The following ZNF215 variants were observed in gnomAD, a reference collection of about 807,000 sequenced individuals.
ZNF215 encodes the protein zinc finger protein 215, also known as BWSCR2-associated zinc finger protein 2.
Under a neutral mutation model 27.2 loss-of-function variants are expected in ZNF215, and 24 were observed. The observed-to-expected ratio is 0.88, with a 90% confidence interval of 0.64 to 1.24. The LOEUF is 1.24. Among genes scored for constraint, ZNF215 ranks in the 50% most tolerant of loss-of-function variants. ZNF215 has a pLI of 0.00. For missense variants in ZNF215, 675 were observed against 605.7 expected, an observed-to-expected ratio of 1.11 and a Z score of -1.20; for synonymous variants, 210 against 204.0, an observed-to-expected ratio of 1.03 and a Z score of -0.25.
At chr11:6,975,918 C>A (rs1850825775) in intron 5 of ZNF215, among the ~76,000 whole-genome samples, 1 of 152,016 alleles carries the variant, frequency 6.6e-6, no homozygotes, top group South Asian at 2.1e-4. Flanking sequence ...TTTTGAGAAA[C>A]CTCCAAACTG....
rs545794751 is a variant in ZNF215, at chr11:6,944,712, A to G, written c.712+1071A>G. ...ATGTAGTATTAACATTTTTTAAGCC[A>G]TTTTCTTTGTTTGTAATGTTTTATC... On this transcript the variant is annotated intron_variant, in intron 6 of 6. Coordinates refer to ENST00000278319, the MANE Select transcript of ZNF215 (RefSeq NM_013250.4). Among the ~76,000 whole-genome samples the G allele has an allele frequency of 1.2e-4, 18 of 151,694 alleles. No individual in the cohort carries two copies. In the South Asian group the frequency reaches 3.6e-3, roughly 30 times the overall value.
In ZNF215 at chr11:6,949,004, T is replaced by G. The variant is rs1283639708; in HGVS notation, c.712+5363T>G. On this transcript the variant is annotated intron_variant, in intron 6 of 6. Coordinates refer to ENST00000278319, the MANE Select transcript of ZNF215 (RefSeq NM_013250.4). The stretch of plus-strand genomic sequence containing the variant: ...ATGAGTGAGAACATGCAGTGTTTGG[T>G]TTTTTGTCCTTGCGATAGTTTACTG... Among the ~76,000 whole-genome samples, 4 of 149,566 alleles carry G rather than the reference T, an allele frequency of 2.7e-5. No homozygotes were observed. The Admixed American group carries it at 2.7e-4, about 10-fold the overall frequency.
At chr11:6,981,577 G>T (rs1233159901) in intron 5 of ZNF215, among the ~76,000 whole-genome samples, 1 of 151,870 alleles carries the variant, frequency 6.6e-6, no homozygotes, top group East Asian at 1.9e-4. Flanking sequence ...CACTCTGATG[G>T]TAGTTTCTTT....
At chr11:6,935,017 T>A (rs1191883370) in intron 3 of ZNF215, among the ~76,000 whole-genome samples, 1 of 152,226 alleles carries the variant, frequency 6.6e-6, no homozygotes, top group African/African-American at 2.4e-5. Context: ...AACCTGCTCA[T>A]AGGGCTTGCC....
At chr11:6,946,374 T>TC (rs1488467582) in intron 6 of ZNF215, among the ~76,000 whole-genome samples, 1 of 152,172 alleles carries the variant, frequency 6.6e-6, no homozygotes, top group East Asian at 1.9e-4. Flanking sequence ...CACCACATCC[T>TC]CCCCTCACTC....
At chr11:6,965,052 G>T (rs1360690522) in intron 5 of ZNF215, among the ~76,000 whole-genome samples, 6 of 152,006 alleles carry the variant, frequency 3.9e-5, no homozygotes, top group Non-Finnish European at 8.8e-5. Context: ...TTATACATGG[G>T]TCTTTACATG....
At chr11:6,962,948 G>GT (rs1358947011), downstream of ZNF215, among the ~76,000 whole-genome samples, 1 of 152,054 alleles carries the variant, frequency 6.6e-6, no homozygotes, top group Non-Finnish European at 1.5e-5. Context: ...TGTGTCATAA[G>GT]TCCTTGTTTC....
chr11:6,936,054 G>A (rs1308638513), intron 3 of ZNF215, among the ~76,000 whole-genome samples: 1 of 152,034 alleles, frequency 6.6e-6, no homozygotes, highest in Admixed American at 6.5e-5. Context: ...GGCTCAAATT[G>A]TAGCTATAAA....
chr11:6,973,139 A>G (rs925925362), intron 5 of ZNF215, among the ~76,000 whole-genome samples: 4 of 152,128 alleles, frequency 2.6e-5, no homozygotes, highest in African/African-American at 9.7e-5. Flanking sequence ...GAGTGAGAAC[A>G]TGCAGTGTTT....
At chr11:6,931,111 C>T (rs994516843) in intron 2 of ZNF215, among the ~76,000 whole-genome samples, 1 of 152,162 alleles carries the variant, frequency 6.6e-6, no homozygotes, top group Non-Finnish European at 1.5e-5. Flanking sequence ...GACTGAGAAC[C>T]ACTGACCTTA....
chr11:6,980,465 C>A (rs2857918), intron 5 of ZNF215, among the ~76,000 whole-genome samples: 52,473 of 151,624 alleles, frequency 0.35, 9,803 homozygotes, highest in African/African-American at 0.48. Context: ...TAGAAAAATC[C>A]GTTTTCAATG....
chr11:6,963,788 T>C (rs770593230), intron 5 of ZNF215, among the ~76,000 whole-genome samples: 18 of 152,094 alleles, frequency 1.2e-4, no homozygotes, highest in Non-Finnish European at 2.5e-4. Flanking sequence ...CATACTAACA[T>C]TGGATATTCC....
Position 6,956,518 on chromosome 11 carries a change from GAGAT to G in ZNF215, c.1543_1546del (p.Asp515SerfsTer58). 1 of 1,585,958 alleles carries G rather than the reference GAGAT, an allele frequency of 6.3e-7. No individual in the cohort carries two copies. The highest frequency in any genetic ancestry group is 8.5e-7 in the Non-Finnish European group (1 of 1,169,734). ...GTTAAACATCAAAAACTGCATACTCGAGATAAGTCCTGAAAAAAGAAAAAATGAA... is the reference window on the plus strand; with the variant it reads ...GTTAAACATCAAAAACTGCATACTCGAAGTCCTGAAAAAAGAAAAAATGAA... On this transcript the variant is annotated frameshift_variant, in exon 7 of 7. Coordinates refer to ENST00000278319, the MANE Select transcript of ZNF215 (RefSeq NM_013250.4). LOFTEE classifies it high-confidence loss of function.
At chr11:6,960,254 A>G (rs1850488729), downstream of ZNF215, among the ~76,000 whole-genome samples, 2 of 152,178 alleles carry the variant, frequency 1.3e-5, no homozygotes, top group East Asian at 3.8e-4. Context: ...GGCCAACTTG[A>G]CAATATATAT....
Position 6,956,280 on chromosome 11 carries a change from T to C in ZNF215, c.1303T>C (p.Cys435Arg). ...HQKLHAEAKA[C>R]TSNKCGKAFS... ...AAAACTTCATGCTGAAGCAAAGGCC[T>C]GCACAAGCAATAAATGTGGAAAGGC... Residue 435 changes from cysteine to arginine, a missense_variant, in exon 7 of 7, where the codon TGC (cysteine) becomes CGC (arginine). Cys to Arg is a radical substitution (Grantham distance 180). Coordinates refer to ENST00000278319, the MANE Select transcript of ZNF215 (RefSeq NM_013250.4). 2.5e-6 allele frequency: 4 copies of C among 1,614,138 alleles called. No homozygotes were observed. The highest frequency in any genetic ancestry group is 2.5e-6 in the Non-Finnish European group (3 of 1,180,012).
chr11:6,944,771 G>T (rs768119972), intron 6 of ZNF215, among the ~76,000 whole-genome samples: 3 of 151,982 alleles, frequency 2.0e-5, no homozygotes, highest in Non-Finnish European at 4.4e-5. Flanking sequence ...TTCTGAAATT[G>T]TGGAACAATT....
chr11:6,954,867 G>A (rs1016361892), intron 6 of ZNF215, among the ~76,000 whole-genome samples: 14 of 152,080 alleles, frequency 9.2e-5, no homozygotes, highest in African/African-American at 2.7e-4. Context: ...GTTCCTATTC[G>A]GCCATCTTGG....
chr11:6,967,730 T>G (rs565756309), intron 5 of ZNF215, among the ~76,000 whole-genome samples: 1 of 152,364 alleles, frequency 6.6e-6, no homozygotes, highest in Non-Finnish European at 1.5e-5. Flanking sequence ...TCTTCCATTC[T>G]GTAGGTTGCC....
At chr11:6,978,720 A>ACAGG (rs1189709652) in intron 5 of ZNF215, among the ~76,000 whole-genome samples, 2 of 151,338 alleles carry the variant, frequency 1.3e-5, no homozygotes, top group East Asian at 3.9e-4. Context: ...GGAGTTCAAG[A>ACAGG]CTAGCCTGGG....
Sources: gnomAD v4.1 joint callset for allele counts (sites outside exome capture counted in the v4.1 genomes callset) on GRCh38, gnomAD v4.1.1 for gene constraint, MANE v1.5 for transcripts, NCBI Gene and HGNC (gene_info 2026-07-23, HGNC 2026-07-21) for gene names.